KCTD19: variants seen among roughly 807,000 people sequenced by gnomAD.
KCTD19 encodes BTB/POZ domain-containing protein KCTD19.
In KCTD19, 67 loss-of-function variants were observed where a neutral mutation model predicts 103.5. The observed-to-expected ratio is 0.65, with a 90% CI of 0.53 to 0.79. The LOEUF (loss-of-function observed/expected upper bound fraction) is 0.79, where lower values mean the gene tolerates loss of function less well. Among genes scored for constraint, KCTD19 ranks in the 30% least tolerant of loss-of-function variants. KCTD19 has a pLI of 0.00. For synonymous variants in KCTD19, 439 were observed against 452.2 expected (o/e 0.97, Z 0.37); for missense variants, 980 against 1,136.1 (o/e 0.86, Z 1.98).
intron 2 of KCTD19, among the ~76,000 whole-genome samples, chr16:67,307,693 C>T (rs1420883103): frequency 1.3e-5 from 2 of 152,114 alleles, no homozygotes; most frequent in Non-Finnish European, 2.9e-5. Context: ...AACTCCTGGG[C>T]TCAAGCGATC....
Position 67,297,510 on chromosome 16 carries a change from A to C in KCTD19, c.1140T>G (p.Asp380Glu). The change falls in exon 7 of 16, where the codon GAT becomes GAG. Residue 380 changes from aspartate (D) to glutamate (E), a missense_variant. By Grantham distance (45) the Asp-to-Glu change is conservative. Transcript: ENST00000304372. ...HLEPRTLAPM[D>E]VLNEWTAEIT... Reference sequence around the variant, plus strand: ...AGAAGCTTTCTCACTTACTGAGCACATCCATGGGTGCCAAAGTCCTTGGCT... The same window carrying C: ...AGAAGCTTTCTCACTTACTGAGCACCTCCATGGGTGCCAAAGTCCTTGGCT... 1 of 1,614,096 alleles carries C rather than the reference A, an allele frequency of 6.2e-7. No homozygotes were observed. Among genetic ancestry groups the C allele is most frequent in the Non-Finnish European group, 8.5e-7 (1 of 1,179,996 alleles).
In KCTD19 at chr16:67,296,234, C is replaced by G. The variant is rs1489533821; in HGVS notation, c.1173G>C (p.Val391=). ...VLNEWTAEIT[V]YSPQQIIKVY... is the part of the protein sequence containing the mutation. ...CTTTGATGATCTGTTGTGGGGAATACACAGTGATCTCTGCCGTCCACTCAT... is the reference window on the plus strand; with the variant it reads ...CTTTGATGATCTGTTGTGGGGAATAGACAGTGATCTCTGCCGTCCACTCAT... Residue 391 remains valine, a synonymous_variant, in exon 8 of 16, where the codon GTG becomes GTC. Coordinates refer to ENST00000304372, the MANE Select transcript of KCTD19 (RefSeq NM_001100915.3). 1.2e-6 allele frequency: 2 copies of G among 1,613,080 alleles called. No homozygotes were observed. Among genetic ancestry groups the G allele is most frequent in the Non-Finnish European group, 1.7e-6 (2 of 1,179,006 alleles).
At chr16:67,307,226 G>T (rs548458678) in intron 2 of KCTD19, among the ~76,000 whole-genome samples, 1 of 151,348 alleles carries the variant, frequency 6.6e-6, no homozygotes, top group Non-Finnish European at 1.5e-5. Context: ...ACAGCTCACT[G>T]CAGCCTTGAC....
At chr16:67,324,562 A>G (rs369412346) in intron 1 of KCTD19, among the ~76,000 whole-genome samples, 8 of 152,356 alleles carry the variant, frequency 5.3e-5, no homozygotes, top group African/African-American at 7.2e-5. Flanking sequence ...CTCACTGTAC[A>G]ATTCTTTCAA....
intron 5 of KCTD19, chr16:67,301,507 G>A (rs551569197): frequency 3.7e-6 from 1 of 269,440 alleles, no homozygotes; most frequent in Non-Finnish European, 7.0e-6. Flanking sequence ...TTCCAGCCTG[G>A]CTCCCCACCC....
chr16:67,307,188 A>T (rs890663007), intron 2 of KCTD19, among the ~76,000 whole-genome samples: 3 of 151,880 alleles, frequency 2.0e-5, no homozygotes, highest in Non-Finnish European at 2.9e-5. Context: ...ACACTCTATC[A>T]CCTAGGCTGG....
intron 1 of KCTD19, among the ~76,000 whole-genome samples, chr16:67,325,073 C>T (rs1023975944): frequency 1.0e-3 from 154 of 152,178 alleles, no homozygotes; most frequent in Non-Finnish European, 7.8e-4. Context: ...TTAAAGGTGG[C>T]TGAGAGCTCA....
chr16:67,325,607 C>T (rs1597403875), intron 1 of KCTD19, among the ~76,000 whole-genome samples: 1 of 151,936 alleles, frequency 6.6e-6, no homozygotes, highest in East Asian at 1.9e-4. Flanking sequence ...ACATACATGT[C>T]CCATCCACAG....
intron 6 of KCTD19, 37 bp from the exon 7 acceptor site, chr16:67,297,700 C>T: frequency 1.2e-6 from 2 of 1,603,188 alleles, no homozygotes; most frequent in Non-Finnish European, 1.7e-6. Context: ...AGAACATCAG[C>T]ATTGTACCCC....
chr16:67,325,409 T>C (rs2037137529), intron 1 of KCTD19, among the ~76,000 whole-genome samples: 1 of 151,322 alleles, frequency 6.6e-6, no homozygotes, highest in Non-Finnish European at 1.5e-5. Context: ...TATTTTGTTT[T>C]ATTTTTGTAT....
intron 5 of KCTD19, chr16:67,299,991 T>C (rs1224245056): frequency 5.5e-6 from 1 of 182,836 alleles, no homozygotes; most frequent in African/African-American, 2.4e-5. Flanking sequence ...CCCCTGTTGC[T>C]GGCTCTCCTG....
chr16:67,302,101 C>A, intron 4 of KCTD19, 179 bp from the exon 5 acceptor site: 1 of 568,916 alleles, frequency 1.8e-6, no homozygotes. Context: ...GGCGAAAGAC[C>A]CCACATTACT....
At chr16:67,305,555 A>G in intron 2 of KCTD19, 1 of 453,880 alleles carries the variant, frequency 2.2e-6, no homozygotes, top group Non-Finnish European at 4.4e-6. Flanking sequence ...GCAAGCCTGA[A>G]GCCCAGGGCG....
In KCTD19 at chr16:67,301,940, AAC is replaced by A; in HGVS notation, c.644-20_644-19del. On this transcript the variant is annotated intron_variant, in intron 4 of 15. Coordinates refer to ENST00000304372, the MANE Select transcript of KCTD19 (RefSeq NM_001100915.3). ...AAAATTCACTTGAAAAACAAAGGGG[AAC>A]ACAGTGAGTTAATGAGGCTATTTCT... is the stretch of plus-strand genomic sequence containing the variant. 1.2e-6 allele frequency: 2 copies of A among 1,613,448 alleles called. No homozygotes were observed. Among genetic ancestry groups the A allele is most frequent in the Non-Finnish European group, 1.7e-6 (2 of 1,179,580 alleles).
chr16:67,315,250 T>C (rs2036997709), intron 2 of KCTD19, among the ~76,000 whole-genome samples: 1 of 152,012 alleles, frequency 6.6e-6, no homozygotes, highest in Non-Finnish European at 1.5e-5. Context: ...TACTTTACAA[T>C]GGCCTCCAAG....
At chr16:67,301,542 C>T (rs1248350278) in intron 5 of KCTD19, among the ~76,000 whole-genome samples, 1 of 152,104 alleles carries the variant, frequency 6.6e-6, no homozygotes, top group Non-Finnish European at 1.5e-5. Context: ...CTGATCCAGG[C>T]TGGGCTGGGC....
intron 1 of KCTD19, among the ~76,000 whole-genome samples, chr16:67,322,895 G>A (rs1412080416): frequency 6.6e-6 from 1 of 152,080 alleles, no homozygotes; most frequent in African/African-American, 2.4e-5. Flanking sequence ...AATTGGCAAA[G>A]CATCTAAATA....
intron 2 of KCTD19, among the ~76,000 whole-genome samples, chr16:67,309,157 A>T (rs985382419): frequency 6.6e-6 from 1 of 151,838 alleles, no homozygotes; most frequent in Non-Finnish European, 1.5e-5. Context: ...AAAAAGAAAG[A>T]AAGAAAGAAA....
At chr16:67,316,501 C>T (rs1194434310) in intron 2 of KCTD19, among the ~76,000 whole-genome samples, 3 of 151,880 alleles carry the variant, frequency 2.0e-5, no homozygotes, top group Non-Finnish European at 4.4e-5. Flanking sequence ...GACAGTAAAA[C>T]AATGATATGC....
Sources: allele counts gnomAD v4.1 joint callset (sites outside exome capture counted in the v4.1 genomes callset), GRCh38; gene constraint gnomAD v4.1.1; transcripts MANE v1.5; gene names NCBI Gene and HGNC (gene_info 2026-07-23, HGNC 2026-07-21).